Variants in SCUBE2 observed in about 807,000 individuals in gnomAD.
SCUBE2 encodes the protein signal peptide, CUB domain and EGF like domain containing 2.
A neutral mutation model predicts 125.9 loss-of-function variants in SCUBE2; 114 were observed. The ratio of observed to expected loss-of-function variants is 0.91; its 90% confidence interval spans 0.78 to 1.06. The LOEUF is 1.06. Ranked by LOEUF, SCUBE2 falls within the 50% of genes least tolerant of loss-of-function variation. The pLI is 0.00. For missense variants in SCUBE2, 1,255 were observed against 1,301.8 expected, an observed-to-expected ratio of 0.96 and a Z score of 0.55; for synonymous variants, 459 against 492.9, an observed-to-expected ratio of 0.93 and a Z score of 0.91.
intron 2 of SCUBE2, among the ~76,000 whole-genome samples, chr11:9,085,974 A>G (rs1250060108): frequency 1.3e-5 from 2 of 151,956 alleles, no homozygotes; most frequent in African/African-American, 4.8e-5. Context: ...CTAGTACTAT[A>G]GGCACGCACC....
intron 14 of SCUBE2, among the ~76,000 whole-genome samples, chr11:9,048,621 C>T (rs1858037059): frequency 6.6e-6 from 1 of 152,138 alleles, no homozygotes; most frequent in African/African-American, 2.4e-5. Context: ...TTTAAATAAC[C>T]AGGAGCAATA....
chr11:9,064,647 A>C (rs1422753024), intron 7 of SCUBE2: 1 of 152,188 alleles, frequency 6.6e-6, no homozygotes, highest in Non-Finnish European at 1.5e-5. Context: ...GATGAGTTTC[A>C]TTACAAGCCT....
At chr11:9,047,295 A>G (rs1857879625) in intron 16 of SCUBE2, 61 bp downstream of exon 16, 1 of 1,567,792 alleles carries the variant, frequency 6.4e-7, no homozygotes, top group African/African-American at 1.4e-5. Flanking sequence ...GCCTTCGGTT[A>G]CCCTGAGTGT....
chr11:9,029,234 G>A (rs1856058776), intron 19 of SCUBE2, among the ~76,000 whole-genome samples: 1 of 152,050 alleles, frequency 6.6e-6, no homozygotes, highest in African/African-American at 2.4e-5. Context: ...AACACAAACC[G>A]GTCTCCTCAG....
chr11:9,069,432 C>A lies in SCUBE2; in HGVS notation c.581G>T (p.Gly194Val). 1.2e-6 allele frequency: 2 copies of A among 1,614,242 alleles called. No individual in the cohort carries two copies. The highest frequency in any genetic ancestry group is 1.1e-5 in the South Asian group (1 of 91,088). The change falls in exon 5 of 23, where the codon GGC (glycine) becomes GTC (valine). Residue 194 changes from glycine (G) to valine (V), a missense_variant. Coordinates refer to ENST00000649792, the MANE Select transcript of SCUBE2 (RefSeq NM_001367977.2). ...CSHICKEAPR[G>V]SVACECRPGF... ...AGGCCTGCACTCACAGGCGACGCTG[C>A]CCCTTGGGGCCTCCTTGCAGATGTG...
Position 9,065,969 on chromosome 11 carries a change from T to C in SCUBE2, c.772A>G (p.Thr258Ala). Residue 258 changes from threonine to alanine, a missense_variant, in exon 7 of 23, where the codon ACT (threonine) becomes GCT (alanine). Transcript: ENST00000649792. ...TTGCTCTCTGTCACCTCCAGGACAG[T>C]GTCCTCTCGCTCTACAAGAGAAGCA... ...DGRSCLERED[T>A]VLEVTESNTT... 1 of 1,613,632 alleles carries C rather than the reference T, an allele frequency of 6.2e-7. No individual in the cohort carries two copies. Among genetic ancestry groups the C allele is most frequent in the Non-Finnish European group, 8.5e-7 (1 of 1,179,526 alleles).
intron 17 of SCUBE2, among the ~76,000 whole-genome samples, chr11:9,033,197 G>A (rs1356995076): frequency 6.6e-6 from 1 of 152,194 alleles, no homozygotes; most frequent in Non-Finnish European, 1.5e-5. Context: ...GGAGGTCCCA[G>A]TTTTAACAAA....
rs1172483687 is a variant in SCUBE2 at position 9,050,764 on chromosome 11, C to T, written c.1535-54G>A. On this transcript the variant is annotated intron_variant, in intron 13 of 22. Coordinates refer to ENST00000649792, the MANE Select transcript of SCUBE2 (RefSeq NM_001367977.2). ...ACCTTCAGAGGCAAAGGAATGGAGACACCAGATGGGAAGCAGCAAGCTGTC... is the reference window on the plus strand; with the variant it reads ...ACCTTCAGAGGCAAAGGAATGGAGATACCAGATGGGAAGCAGCAAGCTGTC... 2.9e-6 allele frequency: 4 copies of T among 1,381,778 alleles called. No individual in the cohort carries two copies. In the Admixed American group the frequency reaches 6.7e-5, roughly 23 times the overall value. 85.6% of individuals were successfully genotyped at this position (1,381,778 alleles called of 1,614,324 possible).
intron 18 of SCUBE2, 108 bp downstream of exon 18, chr11:9,030,650 C>T: frequency 1.7e-6 from 2 of 1,150,836 alleles, no homozygotes; most frequent in Non-Finnish European, 2.5e-6. Context: ...GAACCCCCAG[C>T]CACTGGGGCA....
chr11:9,025,484 C>A, intron 21 of SCUBE2: 1 of 482,832 alleles, frequency 2.1e-6, no homozygotes, highest in Non-Finnish European at 3.7e-6. Context: ...CCAAGCTATG[C>A]TCACTTTTAA....
chr11:9,024,349 G>A (rs1047866376), intron 21 of SCUBE2: 167 of 1,276,778 alleles, frequency 1.3e-4, no homozygotes, highest in Non-Finnish European at 1.6e-4. Context: ...GGAGGCATTT[G>A]GGTCCACCCC....
chr11:9,086,600 C>T (rs1348623027), intron 2 of SCUBE2, among the ~76,000 whole-genome samples: 2 of 151,818 alleles, frequency 1.3e-5, no homozygotes, highest in African/African-American at 2.4e-5. Flanking sequence ...CGCCTATAAT[C>T]CCAGCACTTT....
rs1382364762 is a variant in SCUBE2, at chr11:9,020,355, A to C, written c.*690T>G. ...CATTTGCTGCAGGGTGGAAGCTTGCAACGAGGAAGGCTGGCAATAAATGTA... is the reference window on the plus strand; with the variant it reads ...CATTTGCTGCAGGGTGGAAGCTTGCCACGAGGAAGGCTGGCAATAAATGTA... On this transcript the variant is annotated 3_prime_UTR_variant, in exon 23 of 23. Transcript: ENST00000649792. 6.6e-6 allele frequency: 1 copy of C among 152,352 alleles called. No individual in the cohort carries two copies. The highest frequency in any genetic ancestry group is 2.4e-5 in the African/African-American group (1 of 41,456). The allele number at this position is 152,352 out of a possible 1,614,324, so 9.4% of individuals were successfully genotyped here. A position where few individuals can be genotyped will look rare whatever the true frequency, so the allele number is the denominator to read the frequency against.
At chr11:9,047,851 A>T in intron 15 of SCUBE2, 92 bp downstream of exon 15, 1 of 1,422,020 alleles carries the variant, frequency 7.0e-7, no homozygotes, top group Non-Finnish European at 9.6e-7. Flanking sequence ...TGTTTGCATT[A>T]CTTTTCCCCC....
rs752018226 is a variant in SCUBE2 at position 9,047,520 on chromosome 11, C to T, written c.1838G>A (p.Arg613Gln). The stretch of plus-strand genomic sequence containing the variant: ...GAGCGTGCGGATGGCTTTACGGAGC[C>T]GCTTCTCGGTTCGCTTTACGATGCA... ...LSCIVKRTEK[R>Q]LRKAIRTLRK... is the part of the protein sequence containing the mutation. The change falls in exon 16 of 23, where the codon CGG (arginine) becomes CAG (glutamine). Residue 613 changes from arginine (R) to glutamine (Q), a missense_variant. Physicochemically the swap from Arg to Gln is conservative, Grantham distance 43. Coordinates refer to ENST00000649792, the MANE Select transcript of SCUBE2 (RefSeq NM_001367977.2). The T allele has an allele frequency of 9.9e-6, 16 of 1,613,686 alleles. No individual in the cohort carries two copies. Among genetic ancestry groups the T allele is most frequent in the East Asian group, 6.7e-5 (3 of 44,868 alleles).
intron 16 of SCUBE2, among the ~76,000 whole-genome samples, chr11:9,038,095 G>A (rs986327956): frequency 7.6e-6 from 1 of 131,364 alleles, no homozygotes; most frequent in Admixed American, 8.5e-5. Context: ...GCTGAGTACC[G>A]TTCTAGGAGC....
chr11:9,054,725 A>ATATATATATATGTTTTTTTT (rs1368153935), intron 10 of SCUBE2, among the ~76,000 whole-genome samples: 1 of 22,344 alleles, frequency 4.5e-5, no homozygotes, highest in African/African-American at 2.1e-4. Context: ...ATATATATAT[A>ATATATATATATGTTTTTTTT]TTTTTTTTTT....
chr11:9,042,823 C>T (rs1275501684), intron 16 of SCUBE2, among the ~76,000 whole-genome samples: 2 of 152,202 alleles, frequency 1.3e-5, no homozygotes, highest in African/African-American at 4.8e-5. Flanking sequence ...TCCATGTCAT[C>T]CCCAAATGCT....
chr11:9,022,739 T>A (rs542348837), intron 21 of SCUBE2: 6 of 152,824 alleles, frequency 3.9e-5, no homozygotes, highest in African/African-American at 1.4e-4. Context: ...CTTCTTTGCT[T>A]TTCTTCTTCT....
Sources: allele counts gnomAD v4.1 joint callset (sites outside exome capture counted in the v4.1 genomes callset), GRCh38; gene constraint gnomAD v4.1.1; transcripts MANE v1.5; gene names NCBI Gene and HGNC (gene_info 2026-07-23, HGNC 2026-07-21).